The following CFH variants were observed in gnomAD, a reference collection of about 807,000 sequenced individuals.
CFH encodes the protein H factor 1 (complement).
A neutral mutation model predicts 147.3 loss-of-function variants in CFH; 53 were observed. The ratio of observed to expected loss-of-function variants is 0.36; its 90% CI spans 0.29 to 0.45. CFH has a LOEUF of 0.45. Among genes scored for constraint, CFH ranks in the 20% least tolerant of loss-of-function variants. The pLI is 1.00. For missense variants in CFH, 1,380 were observed against 1,498.0 expected, an observed-to-expected ratio of 0.92 and a Z score of 1.30; for synonymous variants, 536 against 489.4, an observed-to-expected ratio of 1.10 and a Z score of -1.26.
intron 9 of CFH, among the ~76,000 whole-genome samples, chr1:196,698,429 G>A (rs1668351334): frequency 1.3e-5 from 2 of 152,112 alleles, no homozygotes; most frequent in African/African-American, 4.8e-5. Flanking sequence ...TACCATCAGA[G>A]AATACTATAA....
At chr1:196,710,808 G>C (rs1466258104) in intron 9 of CFH, among the ~76,000 whole-genome samples, 1 of 151,710 alleles carries the variant, frequency 6.6e-6, no homozygotes. Flanking sequence ...TACAGATCCT[G>C]TATTTTACTA....
In CFH at chr1:196,698,680, A is replaced by G. The variant is rs565827576; in HGVS notation, c.1336+8441A>G. Among the ~76,000 whole-genome samples, 120 of 152,286 alleles carry G rather than the reference A, an allele frequency of 7.9e-4. No individual in the cohort carries two copies. The South Asian group carries it at 0.015, about 19-fold the overall frequency. On this transcript the variant is annotated intron_variant, in intron 9 of 21. Coordinates refer to ENST00000367429, the MANE Select transcript of CFH (RefSeq NM_000186.4). ...AGTTGGTACCATTCCTTTGGAAACTATTTCAAACAATAGAAAAAGAAGGTC... is the reference window on the plus strand; with the variant it reads ...AGTTGGTACCATTCCTTTGGAAACTGTTTCAAACAATAGAAAAAGAAGGTC...
chr1:196,728,322 CA>C, intron 14 of CFH, 23 bp from the exon 15 acceptor site: 1 of 1,333,978 alleles, frequency 7.5e-7, no homozygotes, highest in Non-Finnish European at 1.0e-6. Context: ...TTTGAATTTT[CA>C]TAAAAATATA....
intron 21 of CFH, among the ~76,000 whole-genome samples, chr1:196,746,458 A>C (rs771959751): frequency 2.6e-5 from 4 of 152,224 alleles, no homozygotes; most frequent in Non-Finnish European, 4.4e-5. Flanking sequence ...CTCAATAAAA[A>C]CAACAAAAAA....
intron 1 of CFH, among the ~76,000 whole-genome samples, chr1:196,656,458 C>T (rs1047506914): frequency 9.9e-5 from 15 of 152,046 alleles, no homozygotes; most frequent in African/African-American, 3.4e-4. Context: ...TGGGTTCTTG[C>T]AACAGAGTTT....
intron 1 of CFH, among the ~76,000 whole-genome samples, chr1:196,672,724 T>C (rs1323083552): frequency 6.6e-6 from 1 of 152,170 alleles, no homozygotes; most frequent in East Asian, 1.9e-4. Context: ...CAAAGTTTTT[T>C]AGGTGTTTTT....
chr1:196,747,395 C>G lies in CFH; in HGVS notation c.*82C>G. ...ATTTCATTTTTTATGTATTGTTTTA[C>G]TCCTTTTTATTCATACGTAAAATTT... On this transcript the variant is annotated 3_prime_UTR_variant, in exon 22 of 22. Coordinates refer to ENST00000367429, the MANE Select transcript of CFH (RefSeq NM_000186.4). 6.4e-7 allele frequency: 1 copy of G among 1,560,552 alleles called. No individual in the cohort carries two copies. The highest frequency in any genetic ancestry group is 8.8e-7 in the Non-Finnish European group (1 of 1,138,116).
Position 196,736,758 on chromosome 1 carries a change from C to T in CFH, c.2414-66C>T, listed in dbSNP as rs924085419. The T allele has an allele frequency of 1.2e-4, 94 of 805,082 alleles. No homozygotes were observed. The African/African-American group carries it at 1.6e-3, about 14-fold the overall frequency. The allele number at this position is 805,082 out of a possible 1,614,324, so 49.9% of individuals were successfully genotyped here. A position where few individuals can be genotyped will look rare whatever the true frequency, so the allele number is the denominator to read the frequency against. ...TATAAATTATTTTTCATCAAAAATTCTAATTTTAATATTTTTATTTTTTAT... is the reference window on the plus strand; with the variant it reads ...TATAAATTATTTTTCATCAAAAATTTTAATTTTAATATTTTTATTTTTTAT... On this transcript the variant is annotated intron_variant, in intron 15 of 21. Coordinates refer to ENST00000367429, the MANE Select transcript of CFH (RefSeq NM_000186.4).
At chr1:196,682,791 A>G (rs1667700583) in intron 6 of CFH, among the ~76,000 whole-genome samples, 1 of 151,656 alleles carries the variant, frequency 6.6e-6, no homozygotes, top group South Asian at 2.1e-4. Flanking sequence ...TAAAACTTGT[A>G]TATTAAGTCA....
chr1:196,694,742 C>T (rs1668192076), intron 9 of CFH, among the ~76,000 whole-genome samples: 1 of 152,236 alleles, frequency 6.6e-6, no homozygotes, highest in African/African-American at 2.4e-5. Flanking sequence ...ATTTGCATTT[C>T]TCTAATGACC....
chr1:196,692,881 C>CCTA (rs1553275284), intron 9 of CFH, among the ~76,000 whole-genome samples: 18,295 of 57,302 alleles, frequency 0.32, 4,392 homozygotes, highest in East Asian at 0.67. Context: ...TCTGTCACCT[C>CCTA]CCTCCCTCCC....
intron 9 of CFH, among the ~76,000 whole-genome samples, chr1:196,693,236 A>G (rs1468283792): frequency 6.6e-6 from 1 of 152,086 alleles, no homozygotes; most frequent in Non-Finnish European, 1.5e-5. Context: ...TATATATTGG[A>G]GTGTATCCTT....
At chr1:196,725,038 C>T in intron 11 of CFH, 83 bp from the exon 12 acceptor site, 2 of 1,187,990 alleles carry the variant, frequency 1.7e-6, no homozygotes, top group Non-Finnish European at 2.4e-6. Context: ...CAATATCAAC[C>T]TCACTTTATT....
chr1:196,719,232 C>T (rs1476657738), intron 11 of CFH, among the ~76,000 whole-genome samples: 1 of 151,966 alleles, frequency 6.6e-6, no homozygotes, highest in Admixed American at 6.6e-5. Context: ...TATATAAATA[C>T]AGCATTTGAA....
At chr1:196,722,613 T>C (rs191177038) in intron 11 of CFH, among the ~76,000 whole-genome samples, 1 of 152,276 alleles carries the variant, frequency 6.6e-6, no homozygotes, top group Admixed American at 6.5e-5. Flanking sequence ...CTGAGCCTCT[T>C]GTATAAGGAT....
Position 196,737,611 on chromosome 1 carries a change from T to C in CFH, c.2733T>C (p.Asn911=), listed in dbSNP as rs761325480. 3.7e-6 allele frequency: 6 copies of C among 1,613,412 alleles called. No individual in the cohort carries two copies. The East Asian group carries it at 6.7e-5, about 18-fold the overall frequency. ...CEGGFRISEE[N]ETTCYMGKWS... ...GTGGTTTCAGGATATCTGAAGAAAA[T>C]GAAACAACATGCTACATGGGAAAAT... The change falls in exon 17 of 22, where the codon AAT becomes AAC. Residue 911 remains asparagine (N), a synonymous_variant. Coordinates refer to ENST00000367429, the MANE Select transcript of CFH (RefSeq NM_000186.4).
At position 196,665,683 on chromosome 1, in the gene CFH, C is replaced by T. The variant is rs34182143; in HGVS notation, c.59-7295C>T. Among the ~76,000 whole-genome samples the T allele has an allele frequency of 6.9e-3, 1,049 of 152,286 alleles. 7 individuals carry two copies. The highest frequency in any genetic ancestry group is 0.011 in the Admixed American group (171 of 15,292). ...AGTGCAATGGCGTGATCTTGGGTTACTGCAATCTCCGCCTCTCAGGTTCAA... is the reference window on the plus strand; with the variant it reads ...AGTGCAATGGCGTGATCTTGGGTTATTGCAATCTCCGCCTCTCAGGTTCAA... On this transcript the variant is annotated intron_variant, in intron 1 of 21. Coordinates refer to ENST00000367429, the MANE Select transcript of CFH (RefSeq NM_000186.4).
At chr1:196,742,734 T>C (rs554295039) in intron 19 of CFH, among the ~76,000 whole-genome samples, 4 of 152,276 alleles carry the variant, frequency 2.6e-5, no homozygotes, top group African/African-American at 9.6e-5. Context: ...GGAATTCTAT[T>C]TACACTTCCG....
At chr1:196,733,186 C>A (rs1043826342) in intron 15 of CFH, among the ~76,000 whole-genome samples, 7 of 151,804 alleles carry the variant, frequency 4.6e-5, no homozygotes, top group African/African-American at 1.7e-4. Flanking sequence ...GCTTTGGCTG[C>A]GGGAAGATTA....
Sources: gnomAD v4.1 joint callset for allele counts (sites outside exome capture counted in the v4.1 genomes callset) on GRCh38, gnomAD v4.1.1 for gene constraint, MANE v1.5 for transcripts, NCBI Gene and HGNC (gene_info 2026-07-23, HGNC 2026-07-21) for gene names.